Variants in CMPK1 observed in about 807,000 individuals in gnomAD.
The protein encoded by CMPK1 is cytidine/uridine monophosphate kinase 1.
A neutral mutation model predicts 25.7 loss-of-function variants in CMPK1; 10 were observed. The observed-to-expected ratio is 0.39, with a 90% CI of 0.24 to 0.66. The LOEUF is 0.66. Among genes scored for constraint, CMPK1 ranks in the 30% least tolerant of loss-of-function variants. The probability of loss-of-function intolerance (pLI) is 0.48; values close to 1 mark genes in which losing one functional copy is unlikely to be tolerated. For missense variants in CMPK1, 199 were observed against 280.5 expected (o/e 0.71, Z 2.08); for synonymous variants, 106 against 101.5 (o/e 1.04, Z -0.27).
In CMPK1 at chr1:47,359,279, C is replaced by T. The variant is rs189385946; in HGVS notation, c.172-9190C>T. The stretch of plus-strand genomic sequence containing the variant: ...TTGCAGTGAGCCAAGATCGCGCCAC[C>T]GCACTCCAGCCTGGGCAACAGAGGG... On this transcript the variant is annotated intron_variant, in intron 1 of 5. Transcript: ENST00000371873. 9.7e-3 allele frequency among the ~76,000 whole-genome samples: 1,463 copies of T among 150,834 alleles called. 22 individuals carry two copies. The highest frequency in any genetic ancestry group is 0.034 in the African/African-American group (1,377 of 40,892).
intron 2 of CMPK1, among the ~76,000 whole-genome samples, chr1:47,371,825 A>C (rs1216723550): frequency 6.6e-6 from 1 of 152,124 alleles, no homozygotes; most frequent in Non-Finnish European, 1.5e-5. Context: ...CTTTATTTGA[A>C]TGTCTCACAA....
chr1:47,369,593 C>T (rs1646662385), intron 2 of CMPK1, among the ~76,000 whole-genome samples: 1 of 151,500 alleles, frequency 6.6e-6, no homozygotes, highest in African/African-American at 2.4e-5. Flanking sequence ...GATAGAGTCT[C>T]GCTCTGTCGC....
chr1:47,356,176 G>C (rs2622914), intron 1 of CMPK1, among the ~76,000 whole-genome samples: 105,468 of 152,006 alleles, frequency 0.69, 36,916 homozygotes, highest in East Asian at 0.94. Flanking sequence ...TTCACCTGGC[G>C]TTTAGTTTTG....
chr1:47,343,402 G>A (rs192354550), intron 1 of CMPK1, among the ~76,000 whole-genome samples: 191 of 151,728 alleles, frequency 1.3e-3, no homozygotes, highest in Admixed American at 3.0e-3. Flanking sequence ...CAGCTACTCC[G>A]GAGGCTGAGG....
chr1:47,370,938 CAG>C (rs1262447498), intron 2 of CMPK1, among the ~76,000 whole-genome samples: 1 of 150,218 alleles, frequency 6.7e-6, no homozygotes, highest in Admixed American at 6.8e-5. Context: ...GCCTGGGCAA[CAG>C]GGTGAGATTC....
chr1:47,341,868 A>T (rs1325907760), intron 1 of CMPK1, among the ~76,000 whole-genome samples: 2 of 151,484 alleles, frequency 1.3e-5, no homozygotes, highest in Non-Finnish European at 2.9e-5. Flanking sequence ...TGATCCACCC[A>T]CCTCAGTCTC....
rs80031240 is a variant in CMPK1 at position 47,339,386 on chromosome 1, T to C, written c.171+5270T>C. Among the ~76,000 whole-genome samples the C allele has an allele frequency of 5.2e-3, 794 of 152,320 alleles. 2 individuals carry two copies. The highest frequency in any genetic ancestry group is 0.03 in the East Asian group (158 of 5,190). ...GGGTAACTCTTACTTTGCCTGGCCA[T>C]CCTACTTACTGCACTTAGAAAAAGT... On this transcript the variant is annotated intron_variant, in intron 1 of 5. Coordinates refer to ENST00000371873, the MANE Select transcript of CMPK1 (RefSeq NM_016308.3).
intron 1 of CMPK1, among the ~76,000 whole-genome samples, chr1:47,348,965 C>T (rs1242829914): frequency 2.0e-5 from 3 of 151,988 alleles, no homozygotes; most frequent in Admixed American, 1.3e-4. Flanking sequence ...TAGAGTTTTT[C>T]CTTGCTATGT....
intron 2 of CMPK1, among the ~76,000 whole-genome samples, chr1:47,372,209 C>T (rs1180892338): frequency 6.6e-6 from 1 of 151,940 alleles, no homozygotes; most frequent in Non-Finnish European, 1.5e-5. Context: ...TTCTCTGCCT[C>T]AGCCTCCCCA....
At chr1:47,375,135 C>T in intron 4 of CMPK1, 62 bp from the exon 5 acceptor site, 2 of 1,363,356 alleles carry the variant, frequency 1.5e-6, no homozygotes, top group Non-Finnish European at 2.1e-6. Flanking sequence ...TGTGAGCTCT[C>T]CTATAACATG....
chr1:47,371,366 C>G (rs1400562324), intron 2 of CMPK1, among the ~76,000 whole-genome samples: 1 of 152,170 alleles, frequency 6.6e-6, no homozygotes, highest in Admixed American at 6.5e-5. Context: ...TCACTCTCTA[C>G]TTTTCCACTC....
intron 1 of CMPK1, among the ~76,000 whole-genome samples, chr1:47,353,401 T>C (rs373252302): frequency 5.3e-5 from 8 of 152,226 alleles, no homozygotes; most frequent in African/African-American, 1.9e-4. Context: ...TACTATATTA[T>C]ACTTTTGTTT....
chr1:47,356,795 G>A (rs1646563685), intron 1 of CMPK1, among the ~76,000 whole-genome samples: 1 of 151,958 alleles, frequency 6.6e-6, no homozygotes, highest in Admixed American at 6.6e-5. Context: ...TAACTAGCTG[G>A]GATCTGAGAT....
intron 1 of CMPK1, among the ~76,000 whole-genome samples, chr1:47,361,271 C>T (rs943910891): frequency 6.6e-5 from 10 of 152,124 alleles, no homozygotes; most frequent in African/African-American, 2.2e-4. Flanking sequence ...CACCTGTAAT[C>T]CCAGCTACTC....
At chr1:47,342,827 T>C (rs1646451354) in intron 1 of CMPK1, among the ~76,000 whole-genome samples, 1 of 151,498 alleles carries the variant, frequency 6.6e-6, no homozygotes, top group South Asian at 2.1e-4. Context: ...TTTTTGTATT[T>C]TTAGTAGAGA....
intron 1 of CMPK1, among the ~76,000 whole-genome samples, chr1:47,348,271 T>G (rs996663385): frequency 1.8e-4 from 27 of 152,120 alleles, no homozygotes; most frequent in Non-Finnish European, 3.4e-4. Context: ...TTTTTTTGTT[T>G]CATGTTGGCC....
At chr1:47,366,900 A>AT (rs1341018071) in intron 1 of CMPK1, among the ~76,000 whole-genome samples, 5 of 151,916 alleles carry the variant, frequency 3.3e-5, no homozygotes, top group Non-Finnish European at 2.9e-5. Flanking sequence ...AATTTTTTGT[A>AT]TTTTTAGTAG....
intron 1 of CMPK1, among the ~76,000 whole-genome samples, chr1:47,359,870 G>C (rs1260838213): frequency 6.6e-6 from 1 of 152,128 alleles, no homozygotes; most frequent in Non-Finnish European, 1.5e-5. Context: ...TGAGTGATTT[G>C]ATGTATACAA....
chr1:47,344,378 A>G (rs759877927), intron 1 of CMPK1, among the ~76,000 whole-genome samples: 1 of 152,186 alleles, frequency 6.6e-6, no homozygotes, highest in Non-Finnish European at 1.5e-5. Flanking sequence ...TTCAATTCTG[A>G]GTAAAGTGTG....
Sources: allele counts gnomAD v4.1 joint callset (sites outside exome capture counted in the v4.1 genomes callset), GRCh38; gene constraint gnomAD v4.1.1; transcripts MANE v1.5; gene names NCBI Gene and HGNC (gene_info 2026-07-23, HGNC 2026-07-21).